The following SLCO4A1 variants were observed in gnomAD, a reference collection of about 807,000 sequenced individuals.
SLCO4A1 encodes colon organic anion transporter.
In SLCO4A1, 51 loss-of-function variants were observed where a neutral mutation model predicts 64.6. The observed-to-expected ratio is 0.79, with a 90% confidence interval of 0.63 to 1.00. The LOEUF (loss-of-function observed/expected upper bound fraction) is 1.00, where lower values mean the gene tolerates loss of function less well. Ranked by LOEUF, SLCO4A1 falls within the 50% of genes least tolerant of loss-of-function variation. SLCO4A1 has a pLI of 0.00. For missense variants in SLCO4A1, 919 were observed against 980.5 expected (o/e 0.94, Z 0.84); for synonymous variants, 471 against 444.9 (o/e 1.06, Z -0.74).
At chr20:62,671,338 G>T (rs1162840001) in intron 11 of SLCO4A1, among the ~76,000 whole-genome samples, 1 of 152,128 alleles carries the variant, frequency 6.6e-6, no homozygotes, top group East Asian at 1.9e-4. Flanking sequence ...CTCTGTCCCT[G>T]CCTCAAGTCT....
In SLCO4A1 at chr20:62,662,208, T is replaced by C. The variant is rs139932830; in HGVS notation, c.1121+1033T>C. On this transcript the variant is annotated intron_variant, in intron 5 of 11. Coordinates refer to ENST00000217159, the MANE Select transcript of SLCO4A1 (RefSeq NM_016354.4). Reference sequence around the variant, plus strand: ...AGAGAGGAGCAGGGCTGGATGAAGATGGGAAAGAGAGGCCTCATTAGGACC... The same window carrying C: ...AGAGAGGAGCAGGGCTGGATGAAGACGGGAAAGAGAGGCCTCATTAGGACC... 9.2e-5 allele frequency among the ~76,000 whole-genome samples: 14 copies of C among 152,136 alleles called. No individual in the cohort carries two copies. The East Asian group carries it at 2.7e-3, about 30-fold the overall frequency.
At position 62,648,101 on chromosome 20, in the gene SLCO4A1, C is replaced by T. The variant is rs148209243; in HGVS notation, c.-97+5548C>T. ...GAGGCTCCAGGGACACATTATCCCC[C>T]GGCTGATCGCCTTGGCCTAATTCAC... On this transcript the variant is annotated intron_variant, in intron 1 of 11. Coordinates refer to ENST00000217159, the MANE Select transcript of SLCO4A1 (RefSeq NM_016354.4). 2.1e-3 allele frequency among the ~76,000 whole-genome samples: 314 copies of T among 152,364 alleles called. 4 individuals are homozygous for T. The highest frequency in any genetic ancestry group is 0.01 in the Middle Eastern group (3 of 294).
chr20:62,687,418 G>A (rs893697018), downstream of SLCO4A1, among the ~76,000 whole-genome samples: 26 of 152,262 alleles, frequency 1.7e-4, no homozygotes, highest in Middle Eastern at 3.2e-3. Flanking sequence ...CCAAGGAGGC[G>A]GAAGAAACCA....
intron 2 of SLCO4A1, among the ~76,000 whole-genome samples, chr20:62,683,453 T>C (rs1245665733): frequency 6.6e-6 from 1 of 151,988 alleles, no homozygotes; most frequent in Non-Finnish European, 1.5e-5. Context: ...GCTGCGGGAA[T>C]AGTTGATGTT....
chr20:62,650,118 C>G (rs1197668110), intron 1 of SLCO4A1: 3 of 152,368 alleles, frequency 2.0e-5, no homozygotes, highest in East Asian at 3.9e-4. Context: ...GGGTGTGGCT[C>G]TGGGATGAGG....
chr20:62,658,603 C>A, intron 2 of SLCO4A1, 74 bp from the exon 3 acceptor site: 1 of 1,219,684 alleles, frequency 8.2e-7, no homozygotes, highest in South Asian at 1.3e-5. Context: ...TTCTCCCAGG[C>A]ACGGGGCCCC....
chr20:62,644,705 C>T lies in SLCO4A1; in HGVS notation c.-97+2152C>T, dbSNP rs1481242351. On this transcript the variant is annotated intron_variant, in intron 1 of 11. Coordinates refer to ENST00000217159, the MANE Select transcript of SLCO4A1 (RefSeq NM_016354.4). This position sits in a 1 kb window ranked among gnomAD's most constrained non-coding sequence, Gnocchi z 5.4. ...TATTGTGCCTACAAGGTCTTCGATC[C>T]GGATGTCTCCATGAGTGTTAATCCA... Among the ~76,000 whole-genome samples, 2 of 152,250 alleles carry T rather than the reference C, an allele frequency of 1.3e-5. No individual in the cohort carries two copies. Among genetic ancestry groups the T allele is most frequent in the East Asian group, 1.9e-4 (1 of 5,204 alleles).
At position 62,644,552 on chromosome 20, in the gene SLCO4A1, G is replaced by T. The variant is rs1030178954; in HGVS notation, c.-97+1999G>T. 1.3e-5 allele frequency among the ~76,000 whole-genome samples: 2 copies of T among 152,238 alleles called. No individual in the cohort carries two copies. Among genetic ancestry groups the T allele is most frequent in the African/African-American group, 4.8e-5 (2 of 41,468 alleles). ...AAGCCCAGAGAGGCCGGCTCTCCTC[G>T]GGGCTCTGATGGGCCCCTTGGCTTG... is the stretch of plus-strand genomic sequence containing the variant. On this transcript the variant is annotated intron_variant, in intron 1 of 11. Transcript: ENST00000217159. The surrounding 1 kb of genome is among the most constrained non-coding windows in gnomAD (Gnocchi z 5.4).
intron 1 of SLCO4A1, among the ~76,000 whole-genome samples, chr20:62,653,214 C>A (rs1033445912): frequency 2.8e-4 from 42 of 152,206 alleles, no homozygotes; most frequent in African/African-American, 1.0e-3. Flanking sequence ...ACAGAGGAGC[C>A]CTGTGGGGAC....
chr20:62,686,275 G>A (rs148639660), downstream of SLCO4A1, among the ~76,000 whole-genome samples: 298 of 152,312 alleles, frequency 2.0e-3, no homozygotes, highest in African/African-American at 6.9e-3. Flanking sequence ...AGCACCGGGT[G>A]GAAACGAGCC....
At position 62,685,611 on chromosome 20, in the gene SLCO4A1, G is replaced by T. The variant is rs1186077278; in HGVS notation, n.382G>T. On this transcript the variant is annotated non_coding_transcript_exon_variant, in exon 3 of 3. Transcript: ENST00000466818. The surrounding 1 kb of genome is among the most constrained non-coding windows in gnomAD (Gnocchi z 4.6). Reference sequence around the variant, plus strand: ...GTGGACTGCCTGTGTTCTCCTGGGAGAGAATGCATTTGCTTCCGATGCCCA... The same window carrying T: ...GTGGACTGCCTGTGTTCTCCTGGGATAGAATGCATTTGCTTCCGATGCCCA... The T allele has an allele frequency of 1.7e-5, 4 of 236,246 alleles. No homozygotes were observed. The highest frequency in any genetic ancestry group is 2.8e-5 in the Non-Finnish European group (4 of 144,968). 14.6% of individuals were successfully genotyped at this position (236,246 alleles called of 1,614,324 possible).
chr20:62,656,393 C>T lies in SLCO4A1; in HGVS notation c.-62C>T, dbSNP rs144374323. On this transcript the variant is annotated 5_prime_UTR_variant, in exon 2 of 12. Coordinates refer to ENST00000217159, the MANE Select transcript of SLCO4A1 (RefSeq NM_016354.4). ...GCCCCTCGGATACCACTTGGCCACT[C>T]CCGCTGAGGCCACTCCCACTGCGTG... The T allele has an allele frequency of 8.8e-3, 12,358 of 1,399,266 alleles. 76 individuals carry two copies. The highest frequency in any genetic ancestry group is 0.014 in the South Asian group (977 of 68,168). The allele number at this position is 1,399,266 out of a possible 1,614,324, so 86.7% of individuals were successfully genotyped here.
Position 62,645,886 on chromosome 20 carries a change from C to T in SLCO4A1, c.-97+3333C>T, listed in dbSNP as rs144552627. 6.5e-3 allele frequency among the ~76,000 whole-genome samples: 986 copies of T among 152,164 alleles called. 10 individuals are homozygous for T. The highest frequency in any genetic ancestry group is 0.022 in the African/African-American group (928 of 41,520). ...GAGGCATTGCCCCTCTGGCCCAAGC[C>T]GCAGGGAGAGCTTGCGATGCTTTGG... On this transcript the variant is annotated intron_variant, in intron 1 of 11. Coordinates refer to ENST00000217159, the MANE Select transcript of SLCO4A1 (RefSeq NM_016354.4). This position sits in a 1 kb window ranked among gnomAD's most constrained non-coding sequence, Gnocchi z 4.2.
At chr20:62,668,271 T>C (rs762015724) in intron 9 of SLCO4A1, 87 bp downstream of exon 9, 3 of 1,479,042 alleles carry the variant, frequency 2.0e-6, no homozygotes, top group Admixed American at 1.7e-5. Context: ...ACAGGAGCAC[T>C]CCAGGAAACA....
At chr20:62,667,305 G>A (rs182514064) in intron 7 of SLCO4A1, among the ~76,000 whole-genome samples, 84 of 152,358 alleles carry the variant, frequency 5.5e-4, no homozygotes, top group Non-Finnish European at 1.1e-3. Context: ...TGTGACTGCC[G>A]AGGGGCGTGT....
chr20:62,648,039 C>A (rs968799851), intron 1 of SLCO4A1, among the ~76,000 whole-genome samples: 1 of 152,238 alleles, frequency 6.6e-6, no homozygotes. Flanking sequence ...CAGGCGCACA[C>A]GCACGCATAC....
At chr20:62,653,447 AAAAAC>A (rs966743943) in intron 1 of SLCO4A1, among the ~76,000 whole-genome samples, 2 of 152,212 alleles carry the variant, frequency 1.3e-5, no homozygotes, top group Non-Finnish European at 2.9e-5. Context: ...CCCTTTATTA[AAAAAC>A]AAAACAAAAC....
intron 4 of SLCO4A1, 40 bp downstream of exon 4, chr20:62,660,573 ACTGTCC>A (rs1368051121): frequency 1.8e-5 from 29 of 1,598,958 alleles, no homozygotes; most frequent in Middle Eastern, 1.7e-4. Context: ...ACATTGGGAG[ACTGTCC>A]CTTAGTCTTC....
In SLCO4A1 at chr20:62,656,589, C is replaced by T. The variant is rs1218064223; in HGVS notation, c.135C>T (p.Arg45=). Residue 45 remains arginine (R), a synonymous_variant, in exon 2 of 12, where the codon CGC becomes CGT. Coordinates refer to ENST00000217159, the MANE Select transcript of SLCO4A1 (RefSeq NM_016354.4). ...PGTPLSPGSL[R]SAAHSPLDTS... ...CACCCCTGAGCCCCGGCTCCCTCCG[C>T]TCCGCTGCCCATAGCCCCCTGGACA... 1.3e-6 allele frequency: 2 copies of T among 1,594,628 alleles called. No individual in the cohort carries two copies. The highest frequency in any genetic ancestry group is 2.3e-5 in the East Asian group (1 of 43,878).
Sources: allele counts gnomAD v4.1 joint callset (sites outside exome capture counted in the v4.1 genomes callset), GRCh38; gene constraint gnomAD v4.1.1; non-coding constraint Gnocchi (gnomAD v3.1); transcripts MANE v1.5; gene names NCBI Gene and HGNC (gene_info 2026-07-23, HGNC 2026-07-21).